ARSF: variants seen among roughly 807,000 people sequenced by gnomAD.
ARSF encodes arylsulfatase F.
A neutral mutation model predicts 35.4 loss-of-function variants in ARSF; 33 were observed. The ratio of observed to expected loss-of-function variants is 0.93; its 90% confidence interval spans 0.71 to 1.25. ARSF has a LOEUF of 1.25. Ranked by LOEUF, ARSF falls within the 50% of genes most tolerant of loss-of-function variation. The pLI is 0.00. For missense variants in ARSF, 501 were observed against 480.2 expected, an observed-to-expected ratio of 1.04 and a Z score of -0.40; for synonymous variants, 222 against 193.1, an observed-to-expected ratio of 1.15 and a Z score of -1.24.
intron 1 of ARSF, among the ~76,000 whole-genome samples, chrX:3,048,788 C>T (rs181510890): frequency 5.4e-5 from 6 of 112,072 alleles, no homozygotes; most frequent in African/African-American, 1.3e-4. Context: ...ATTTTGGGTT[C>T]GCAATAGATT....
At chrX:3,084,952 A>G (rs184564390) in intron 6 of ARSF, among the ~76,000 whole-genome samples, 1 of 111,822 alleles carries the variant, frequency 8.9e-6, no homozygotes, top group East Asian at 2.8e-4. Flanking sequence ...ATGCACATCT[A>G]TAATGCATTA....
At chrX:3,105,809 G>T (rs1219586833) in intron 9 of ARSF, among the ~76,000 whole-genome samples, 1 of 112,089 alleles carries the variant, frequency 8.9e-6, no homozygotes, top group Admixed American at 9.5e-5. Context: ...ATTGCAAAAA[G>T]AACCTATCAA....
At chrX:3,087,269 G>A (rs2090255130) in intron 6 of ARSF, among the ~76,000 whole-genome samples, 2 of 111,910 alleles carry the variant, frequency 1.8e-5, no homozygotes, top group Admixed American at 1.9e-4. Flanking sequence ...CTTTATTTTG[G>A]CAGCTTAGTT....
At chrX:3,099,060 C>T (rs1454224521) in intron 7 of ARSF, among the ~76,000 whole-genome samples, 3 of 111,016 alleles carry the variant, frequency 2.7e-5, no homozygotes, top group Non-Finnish European at 5.7e-5. Flanking sequence ...CTCTCTCTCT[C>T]TTTCTCTCTT....
At chrX:3,059,292 G>A (rs923715974) in intron 1 of ARSF, among the ~76,000 whole-genome samples, 28 of 111,403 alleles carry the variant, frequency 2.5e-4, no homozygotes, top group South Asian at 1.1e-3. Flanking sequence ...GTGAAACCCC[G>A]TCTCTACTAA....
At position 3,101,216 on chromosome X, in the gene ARSF, A is replaced by G. The variant is rs367824871; in HGVS notation, c.1097A>G (p.Tyr366Cys). ...CAACTTGGTGGATGGAATGGAATAT[A>G]CAAAGGTGAGGAGAGGAACTCATGC... ...HAQLGGWNGIYKGGKGMGGWE... is the reference protein window; with the variant it reads ...HAQLGGWNGICKGGKGMGGWE... Residue 366 changes from tyrosine (Y) to cysteine (C), a missense_variant, in exon 8 of 11, where the codon TAC becomes TGC. Physicochemically the swap from Tyr to Cys is radical, Grantham distance 194. Transcript: ENST00000381127. 2 of 1,209,986 alleles carry G rather than the reference A, an allele frequency of 1.7e-6. No homozygotes were observed. The highest frequency in any genetic ancestry group is 2.2e-6 in the Non-Finnish European group (2 of 894,696).
At chrX:3,069,068 C>T (rs1176040656) in intron 2 of ARSF, among the ~76,000 whole-genome samples, 2 of 111,342 alleles carry the variant, frequency 1.8e-5, no homozygotes, top group African/African-American at 6.5e-5. Flanking sequence ...TCCACATGTC[C>T]AATATTCATT....
chrX:3,086,289 A>T (rs2090247564), intron 6 of ARSF, among the ~76,000 whole-genome samples: 1 of 112,366 alleles, frequency 8.9e-6, no homozygotes, highest in Non-Finnish European at 1.9e-5. Flanking sequence ...TTACATGAGT[A>T]CTTGAAGAAC....
At chrX:3,066,646 T>C (rs1463436579) in intron 1 of ARSF, among the ~76,000 whole-genome samples, 1 of 111,972 alleles carries the variant, frequency 8.9e-6, no homozygotes, top group Non-Finnish European at 1.9e-5. Flanking sequence ...CTGTTGTTTT[T>C]CTTTTCCTGG....
intron 7 of ARSF, among the ~76,000 whole-genome samples, chrX:3,099,902 C>G (rs188524810): frequency 9.0e-6 from 1 of 111,193 alleles, no homozygotes; most frequent in Non-Finnish European, 1.9e-5. Flanking sequence ...TGCCTTGGCT[C>G]TAGAAGAAAA....
chrX:3,081,810 A>G (rs1040881253), intron 5 of ARSF, among the ~76,000 whole-genome samples: 10 of 112,005 alleles, frequency 8.9e-5, no homozygotes, highest in African/African-American at 2.3e-4. Flanking sequence ...GCCAAGGATG[A>G]TAGAAGTCCT....
At chrX:3,070,240 C>T (rs772250200) in intron 2 of ARSF, among the ~76,000 whole-genome samples, 75 of 111,533 alleles carry the variant, frequency 6.7e-4, no homozygotes, top group African/African-American at 2.2e-3. Context: ...TCTTTTTTAA[C>T]GCTGAATAAT....
intron 1 of ARSF, among the ~76,000 whole-genome samples, chrX:3,057,013 C>T (rs1468903828): frequency 9.0e-6 from 1 of 111,448 alleles, no homozygotes; most frequent in East Asian, 2.8e-4. Flanking sequence ...GTCAGATGCT[C>T]AGGTGGGATT....
intron 1 of ARSF, among the ~76,000 whole-genome samples, chrX:3,049,725 G>T (rs1246254584): frequency 1.8e-5 from 2 of 111,188 alleles, no homozygotes; most frequent in African/African-American, 6.5e-5. Context: ...CCCTTGGCTT[G>T]GGGATTTTGG....
intron 7 of ARSF, among the ~76,000 whole-genome samples, chrX:3,096,791 A>C: frequency 9.2e-6 from 1 of 108,502 alleles, no homozygotes; most frequent in Non-Finnish European, 1.9e-5. Flanking sequence ...TGTTGGGGAA[A>C]GTTTGTGTTA....
At chrX:3,051,556 G>C (rs1253189962) in intron 1 of ARSF, among the ~76,000 whole-genome samples, 2 of 110,892 alleles carry the variant, frequency 1.8e-5, no homozygotes, top group Non-Finnish European at 3.8e-5. Flanking sequence ...TACAAGGAGG[G>C]AGCTTCTTTT....
At chrX:3,072,826 A>C (rs2090115120) in intron 3 of ARSF, among the ~76,000 whole-genome samples, 1 of 105,085 alleles carries the variant, frequency 9.5e-6, no homozygotes, top group African/African-American at 3.4e-5. Context: ...TAATATATAA[A>C]GTATATATCA....
intron 2 of ARSF, among the ~76,000 whole-genome samples, chrX:3,069,603 C>A (rs1030004624): frequency 8.1e-5 from 9 of 111,636 alleles, no homozygotes; most frequent in African/African-American, 2.9e-4. Context: ...TGAGCCACTG[C>A]AACCTGACTT....
intron 1 of ARSF, among the ~76,000 whole-genome samples, chrX:3,044,420 G>A (rs1302297199): frequency 9.0e-6 from 1 of 111,509 alleles, no homozygotes; most frequent in East Asian, 2.8e-4. Flanking sequence ...GCTCAGTGAA[G>A]GGTCAAGGTG....
Sources: allele counts gnomAD v4.1 joint callset (sites outside exome capture counted in the v4.1 genomes callset), GRCh38; gene constraint gnomAD v4.1.1; transcripts MANE v1.5; gene names NCBI Gene and HGNC (gene_info 2026-07-23, HGNC 2026-07-21).